Variants in DIAPH3 observed in about 807,000 individuals in gnomAD.
DIAPH3 encodes diaphanous related formin 3.
Under a neutral mutation model 144.3 loss-of-function variants are expected in DIAPH3, and 117 were observed. The ratio of observed to expected loss-of-function variants is 0.81; its 90% CI spans 0.70 to 0.95. The LOEUF is 0.95. DIAPH3 is among the 40% of genes least tolerant of loss of function. DIAPH3 has a pLI of 0.00. For synonymous variants in DIAPH3, 519 were observed against 488.9 expected, an observed-to-expected ratio of 1.06 and a Z score of -0.81; for missense variants, 1,421 against 1,412.7, an observed-to-expected ratio of 1.01 and a Z score of -0.09.
intron 1 of DIAPH3, among the ~76,000 whole-genome samples, chr13:60,159,479 GC>G (rs1952185225): frequency 6.6e-6 from 1 of 151,950 alleles, no homozygotes; most frequent in Admixed American, 6.6e-5. Flanking sequence ...TACAAAATTA[GC>G]CGGGCGTAGT....
chr13:59,769,424 G>A (rs1278109190), intron 27 of DIAPH3, among the ~76,000 whole-genome samples: 2 of 151,936 alleles, frequency 1.3e-5, no homozygotes, highest in Non-Finnish European at 2.9e-5. Flanking sequence ...CATTCCTAAG[G>A]TTCAGTCCTT....
At chr13:59,855,420 A>AATT (rs2043201682) in intron 22 of DIAPH3, among the ~76,000 whole-genome samples, 1 of 151,958 alleles carries the variant, frequency 6.6e-6, no homozygotes, top group Admixed American at 6.6e-5. Flanking sequence ...AACATATATA[A>AATT]ATTATATTTT....
At chr13:59,916,279 A>G (rs1273987497) in intron 18 of DIAPH3, 30 bp from the exon 19 acceptor site, 1 of 1,546,176 alleles carries the variant, frequency 6.5e-7, no homozygotes, top group Non-Finnish European at 8.9e-7. Flanking sequence ...AAAGGTTTAT[A>G]ATGAATAAGG....
At chr13:60,138,771 G>GGGA (rs2059354105) in intron 1 of DIAPH3, among the ~76,000 whole-genome samples, 1 of 90,632 alleles carries the variant, frequency 1.1e-5, no homozygotes, top group Non-Finnish European at 2.5e-5. Flanking sequence ...GAAGGAGAAG[G>GGGA]AGAAGGAGAA....
intron 22 of DIAPH3, among the ~76,000 whole-genome samples, chr13:59,842,568 T>A (rs965897027): frequency 3.3e-5 from 5 of 151,952 alleles, no homozygotes; most frequent in African/African-American, 1.2e-4. Context: ...CTACCCAGAT[T>A]TAGTGTCAGG....
intron 27 of DIAPH3, among the ~76,000 whole-genome samples, chr13:59,737,965 G>A (rs961836282): frequency 6.6e-6 from 1 of 152,022 alleles, no homozygotes; most frequent in Non-Finnish European, 1.5e-5. Flanking sequence ...TCAGGAGTTC[G>A]AGACCAGCCT....
chr13:59,703,897 G>A (rs1455631651), intron 27 of DIAPH3, among the ~76,000 whole-genome samples: 1 of 152,056 alleles, frequency 6.6e-6, no homozygotes, highest in Admixed American at 6.5e-5. Context: ...TTCTACCTGA[G>A]GATTCACTTT....
chr13:59,930,268 TAGAG>T (rs1291158162), intron 17 of DIAPH3, among the ~76,000 whole-genome samples: 2 of 152,300 alleles, frequency 1.3e-5, no homozygotes, highest in East Asian at 3.9e-4. Flanking sequence ...CTAGACAAGA[TAGAG>T]AAATTCCTTG....
intron 3 of DIAPH3, among the ~76,000 whole-genome samples, chr13:60,107,431 T>G (rs2058453475): frequency 6.6e-6 from 1 of 152,152 alleles, no homozygotes; most frequent in South Asian, 2.1e-4. Flanking sequence ...CTATACTTTT[T>G]GTATGCCTGA....
At chr13:60,011,512 C>T (rs1030256875) in intron 7 of DIAPH3, among the ~76,000 whole-genome samples, 1 of 152,192 alleles carries the variant, frequency 6.6e-6, no homozygotes, top group Non-Finnish European at 1.5e-5. Context: ...ATTACCATTT[C>T]AACATATAAC....
chr13:60,088,049 A>G lies in DIAPH3; in HGVS notation c.495+5579T>C, dbSNP rs112569569. ...GTTTAAAGCATTTTATCTAAACCTA[A>G]TGGTACAGCCAAAAAGTAAGGGGTG... On this transcript the variant is annotated intron_variant, in intron 4 of 27. Coordinates refer to ENST00000400324, the MANE Select transcript of DIAPH3 (RefSeq NM_001042517.2). 2.6e-3 allele frequency among the ~76,000 whole-genome samples: 395 copies of G among 152,252 alleles called. 1 individual carries two copies. Among genetic ancestry groups the G allele is most frequent in the African/African-American group, 8.9e-3 (371 of 41,558 alleles).
intron 1 of DIAPH3, among the ~76,000 whole-genome samples, chr13:60,154,483 T>C (rs903820267): frequency 2.6e-5 from 4 of 152,294 alleles, no homozygotes; most frequent in South Asian, 4.1e-4. Flanking sequence ...TAAGAAAAGA[T>C]AGCAGTGGGT....
chr13:59,668,631 A>G lies in DIAPH3; in HGVS notation c.3320-1785T>C, dbSNP rs138059061. Among the ~76,000 whole-genome samples the G allele has an allele frequency of 7.9e-4, 121 of 152,314 alleles. 1 individual carries two copies. Among genetic ancestry groups the G allele is most frequent in the African/African-American group, 2.8e-3 (117 of 41,562 alleles). ...TTGGTGCAAAGTAGGTGCTCAATAA[A>G]TATGTGTTGGGTAAAGAAATTATTT... On this transcript the variant is annotated intron_variant, in intron 27 of 27. Coordinates refer to ENST00000400324, the MANE Select transcript of DIAPH3 (RefSeq NM_001042517.2).
At chr13:59,947,485 G>C (rs1412804022) in intron 17 of DIAPH3, among the ~76,000 whole-genome samples, 6 of 152,206 alleles carry the variant, frequency 3.9e-5, no homozygotes, top group African/African-American at 1.4e-4. Context: ...GTTACAATCA[G>C]ACACGATCTA....
At chr13:59,794,298 C>T (rs1427751048) in intron 25 of DIAPH3, among the ~76,000 whole-genome samples, 1 of 152,076 alleles carries the variant, frequency 6.6e-6, no homozygotes. Context: ...TACCATTTTC[C>T]CCAAACCTCT....
At chr13:59,809,799 A>C (rs2040380032) in intron 25 of DIAPH3, among the ~76,000 whole-genome samples, 1 of 152,182 alleles carries the variant, frequency 6.6e-6, no homozygotes, top group Non-Finnish European at 1.5e-5. Flanking sequence ...AAAGTAAAGA[A>C]GGCAAAGTAG....
intron 24 of DIAPH3, among the ~76,000 whole-genome samples, chr13:59,813,913 G>T (rs1156293717): frequency 6.6e-6 from 1 of 151,880 alleles, no homozygotes; most frequent in African/African-American, 2.4e-5. Context: ...ATAATCATGG[G>T]TTCAAAGACA....
chr13:59,951,098 A>G (rs2049073873), intron 17 of DIAPH3, among the ~76,000 whole-genome samples: 1 of 152,124 alleles, frequency 6.6e-6, no homozygotes, highest in Non-Finnish European at 1.5e-5. Context: ...CTATTAAGAC[A>G]CTGATGAGGT....
chr13:59,666,436 A>T lies in DIAPH3; in HGVS notation c.*148T>A. 3 of 924,204 alleles carry T rather than the reference A, an allele frequency of 3.2e-6. No homozygotes were observed. Among genetic ancestry groups the T allele is most frequent in the Non-Finnish European group, 4.7e-6 (3 of 636,144 alleles). 57.3% of individuals were successfully genotyped at this position (924,204 alleles called of 1,614,324 possible). A position where few individuals can be genotyped will look rare whatever the true frequency, so the allele number is the denominator to read the frequency against. ...CTCCAGTACATAGAAAAAGCATTGC[A>T]ATCATATATTTAGCTTTATTTTTCT... On this transcript the variant is annotated 3_prime_UTR_variant, in exon 28 of 28. Transcript: ENST00000400324.
Sources: allele counts gnomAD v4.1 joint callset (sites outside exome capture counted in the v4.1 genomes callset), GRCh38; gene constraint gnomAD v4.1.1; transcripts MANE v1.5; gene names NCBI Gene and HGNC (gene_info 2026-07-23, HGNC 2026-07-21).